KRT16: variants seen among roughly 807,000 people sequenced by gnomAD.
The protein encoded by KRT16 is keratin, type I cytoskeletal 16.
Under a neutral mutation model 44.8 loss-of-function variants are expected in KRT16, and 42 were observed. That is an observed-to-expected ratio of 0.94 (90% CI 0.73 to 1.21). The LOEUF (loss-of-function observed/expected upper bound fraction) is 1.21. KRT16 is among the 50% of genes most tolerant of loss of function. The probability of loss-of-function intolerance (pLI) is 0.00; values close to 1 mark genes in which losing one functional copy is unlikely to be tolerated. For missense variants in KRT16, 561 were observed against 626.9 expected (o/e 0.89, Z 1.12); for synonymous variants, 226 against 260.4 (o/e 0.87, Z 1.27).
chr17:41,611,797 C>A, intron 1 of KRT16, 76 bp from the exon 2 acceptor site: 2 of 1,348,984 alleles, frequency 1.5e-6, no homozygotes, highest in Admixed American at 1.9e-5. Context: ...CAGAAAGGGG[C>A]AAAAGGAACC....
In KRT16 at chr17:41,611,688, T is replaced by C. The variant is rs1269559884; in HGVS notation, c.565A>G (p.Ile189Val). Residue 189 changes from isoleucine (I) to valine (V), a missense_variant, in exon 2 of 8, where the codon ATT (isoleucine) becomes GTT (valine). By Grantham distance (29) the Ile-to-Val change is conservative (BLOSUM62 3). Transcript: ENST00000301653. ...AGCCTGGCATTGTCAATCTGCAAAA[T>C]GGGCTGCGCATTCTCAATGGTGGCC... ...IAATIENAQP[I>V]LQIDNARLAA... The C allele has an allele frequency of 6.2e-7, 1 of 1,611,308 alleles. No individual in the cohort carries two copies. Among genetic ancestry groups the C allele is most frequent in the Non-Finnish European group, 8.5e-7 (1 of 1,179,662 alleles).
In KRT16 at chr17:41,610,930, C is replaced by T; in HGVS notation, c.983G>A (p.Ser328Asn). 3 of 1,614,194 alleles carry T rather than the reference C, an allele frequency of 1.9e-6. No homozygotes were observed. Among genetic ancestry groups the T allele is most frequent in the Non-Finnish European group, 8.5e-7 (1 of 1,180,036 alleles). Residue 328 changes from serine (S) to asparagine (N), a missense_variant, in exon 5 of 8, where the codon AGC becomes AAC. Ser to Asn is a conservative substitution (Grantham distance 46, BLOSUM62 1). Transcript: ENST00000301653. ...GAGCTCCGTCACCTCACTGCGGCTG[C>T]TCTGTACCAGTTCGCTGTTGGAGGC... ...EVASNSELVQSSRSEVTELRR... is the reference protein window; with the variant it reads ...EVASNSELVQNSRSEVTELRR...
In KRT16 at chr17:41,610,532, C is replaced by T; in HGVS notation, c.1079G>A (p.Ser360Asn). 1 of 1,612,054 alleles carries T rather than the reference C, an allele frequency of 6.2e-7. No homozygotes were observed. Among genetic ancestry groups the T allele is most frequent in the Non-Finnish European group, 8.5e-7 (1 of 1,179,862 alleles). ...QLSMKASLEN[S>N]LEETKGRYCM... ...GTAGCGGCCTTTGGTCTCCTCCAGG[C>T]TGTTCTCCAGGGATGCTTTCTGCAA... The change falls in exon 6 of 8, where the codon AGC becomes AAC. Residue 360 changes from serine (S) to asparagine (N), a missense_variant. By Grantham distance (46) the Ser-to-Asn change is conservative. Coordinates refer to ENST00000301653, the MANE Select transcript of KRT16 (RefSeq NM_005557.4).
In KRT16 at chr17:41,611,327, A is replaced by C; in HGVS notation, c.771+18T>G. On this transcript the variant is annotated intron_variant, in intron 3 of 7. Coordinates refer to ENST00000301653, the MANE Select transcript of KRT16 (RefSeq NM_005557.4). ...CACCAAACCAGCCTCCCACCCCGGA[A>C]GCCAGCAGCGACCGTACCTCCTCGT... The C allele has an allele frequency of 6.2e-7, 1 of 1,614,044 alleles. No homozygotes were observed. The highest frequency in any genetic ancestry group is 8.5e-7 in the Non-Finnish European group (1 of 1,179,922).
chr17:41,612,579 C>A lies in KRT16; in HGVS notation c.110G>T (p.Gly37Val), dbSNP rs762970825. 1 of 1,594,714 alleles carries A rather than the reference C, an allele frequency of 6.3e-7. No individual in the cohort carries two copies. Among genetic ancestry groups the A allele is most frequent in the Non-Finnish European group, 8.5e-7 (1 of 1,171,150 alleles). Reference sequence around the variant, plus strand: ...GGTGCTGGGGGCACGGCAGGACCCTCCGGCCAGGACGGAGGAGATGCGGCT... The same window carrying A: ...GGTGCTGGGGGCACGGCAGGACCCTACGGCCAGGACGGAGGAGATGCGGCT... Reference protein sequence around the residue: ...GSSRISSVLAGGSCRAPSTYG... With the variant: ...GSSRISSVLAVGSCRAPSTYG... Residue 37 changes from glycine to valine, a missense_variant, in exon 1 of 8, where the codon GGA becomes GTA. Transcript: ENST00000301653.
chr17:41,611,502 C>T lies in KRT16; in HGVS notation c.615-1G>A. 6.2e-7 allele frequency: 1 copy of T among 1,613,636 alleles called. No homozygotes were observed. The highest frequency in any genetic ancestry group is 2.2e-5 in the East Asian group (1 of 44,866). ...CCGCAGGGCCAGTTCATGCTCATAC[C>T]TGGCAGGACAGAGGTCAGGTCCTCA... On this transcript the variant is annotated splice_acceptor_variant, in intron 2 of 7. Transcript: ENST00000301653. LOFTEE classifies it high-confidence loss of function.
At chr17:41,611,844 G>T in intron 1 of KRT16, 123 bp from the exon 2 acceptor site, 2 of 964,848 alleles carry the variant, frequency 2.1e-6, no homozygotes, top group Non-Finnish European at 3.3e-6. Context: ...GGCAGGGCTG[G>T]CATGCCTTCT....
intron 5 of KRT16, 117 bp downstream of exon 5, chr17:41,610,737 A>T (rs1908161400): frequency 6.5e-7 from 1 of 1,544,242 alleles, no homozygotes; most frequent in East Asian, 2.2e-5. Context: ...TAACGGTCCC[A>T]TGAGTCCCCT....
At chr17:41,611,291 T>G (rs2144603314) in intron 3 of KRT16, 54 bp downstream of exon 3, 1 of 1,613,852 alleles carries the variant, frequency 6.2e-7, no homozygotes, top group East Asian at 2.2e-5. Flanking sequence ...CCTGGGTGCA[T>G]CTGGCAACCC....
Position 41,610,968 on chromosome 17 carries a change from C to G in KRT16, c.945G>C (p.Leu315=), listed in dbSNP as rs1379894225. The G allele has an allele frequency of 6.2e-7, 1 of 1,614,052 alleles. No individual in the cohort carries two copies. The highest frequency in any genetic ancestry group is 1.3e-5 in the African/African-American group (1 of 74,924). Residue 315 remains leucine (L), a synonymous_variant, in exon 5 of 8, where the codon CTG becomes CTC. Coordinates refer to ENST00000301653, the MANE Select transcript of KRT16 (RefSeq NM_005557.4). Reference sequence around the variant, plus strand: ...CGCTGTTGGAGGCCACTTCTTTGTTCAGCTCCTCGGTCTGAGGCAGGAAAG... The same window carrying G: ...CGCTGTTGGAGGCCACTTCTTTGTTGAGCTCCTCGGTCTGAGGCAGGAAAG... ...ETWFLSKTEE[L]NKEVASNSEL...
rs1175528301 is a variant in KRT16, at chr17:41,611,388, C to G, written c.728G>C (p.Gly243Ala). Reference sequence around the variant, plus strand: ...CAGGTAGGCCAGCTCCTCCTTCAGGCCTTCGATCTGCATCTCCAGGTCAGT... The same window carrying G: ...CAGGTAGGCCAGCTCCTCCTTCAGGGCTTCGATCTGCATCTCCAGGTCAGT... ...ARTDLEMQIE[G>A]LKEELAYLRK... The change falls in exon 3 of 8, where the codon GGC (glycine) becomes GCC (alanine). Residue 243 changes from glycine to alanine, a missense_variant. Transcript: ENST00000301653. The G allele has an allele frequency of 1.9e-6, 3 of 1,614,252 alleles. No homozygotes were observed. The highest frequency in any genetic ancestry group is 1.7e-4 in the Middle Eastern group (1 of 6,056).
chr17:41,611,949 A>G, intron 1 of KRT16: 1 of 803,012 alleles, frequency 1.2e-6, no homozygotes, highest in Non-Finnish European at 2.1e-6. Context: ...GAACCCTTGA[A>G]GGAAATAAGA....
At position 41,611,062 on chromosome 17, in the gene KRT16, G is replaced by GC; in HGVS notation, c.933+6dup. On this transcript the variant is annotated splice_region_variant and intron_variant, in intron 4 of 7. Transcript: ENST00000301653. Reference sequence around the variant, plus strand: ...TGCTGCAGGCTCACTGCGGGCCCGAGCCCCACCTTGCTCAGGAACCAGGTC... The same window carrying GC: ...TGCTGCAGGCTCACTGCGGGCCCGAGCCCCCACCTTGCTCAGGAACCAGGTC... 1 of 1,614,000 alleles carries GC rather than the reference G, an allele frequency of 6.2e-7. No individual in the cohort carries two copies. The highest frequency in any genetic ancestry group is 1.1e-5 in the South Asian group (1 of 91,076).
In KRT16 at chr17:41,610,911, C is replaced by T. The variant is rs566540770; in HGVS notation, c.1002G>A (p.Thr334=). ...GGCCCTGGAGCACCCTCCGGAGCTC[C>T]GTCACCTCACTGCGGCTGCTCTGTA... is the stretch of plus-strand genomic sequence containing the variant. ...ELVQSSRSEV[T]ELRRVLQGLE... Residue 334 remains threonine, a synonymous_variant, in exon 5 of 8, where the codon ACG becomes ACA. Transcript: ENST00000301653. 3.1e-5 allele frequency: 50 copies of T among 1,614,172 alleles called. 1 individual carries two copies. The South Asian group carries it at 3.8e-4, about 12-fold the overall frequency.
At chr17:41,610,168 C>T (rs758322165) in intron 7 of KRT16, 22 bp downstream of exon 7, 17 of 1,613,570 alleles carry the variant, frequency 1.1e-5, no homozygotes, top group Non-Finnish European at 1.3e-5. Flanking sequence ...GCTGCAGTGC[C>T]GGGGAGCCTC....
At position 41,610,396 on chromosome 17, in the gene KRT16, A is replaced by T; in HGVS notation, c.1215T>A (p.Asp405Glu). 6.2e-7 allele frequency: 1 copy of T among 1,612,334 alleles called. No individual in the cohort carries two copies. Among genetic ancestry groups the T allele is most frequent in the Non-Finnish European group, 8.5e-7 (1 of 1,179,846 alleles). The part of the protein sequence containing the change: ...QQSQEYQILL[D>E]VKTRLEQEIA... ...TCTCCTGCTCCAGCCGCGTCTTCAC[A>T]TCCAGCAAGATCTGGTACTCCTGGC... The change falls in exon 6 of 8, where the codon GAT becomes GAA. Residue 405 changes from aspartate (D) to glutamate (E), a missense_variant. Physicochemically the swap from Asp to Glu is conservative, Grantham distance 45. Coordinates refer to ENST00000301653, the MANE Select transcript of KRT16 (RefSeq NM_005557.4).
At position 41,611,656 on chromosome 17, in the gene KRT16, G is replaced by A. The variant is rs531336431; in HGVS notation, c.597C>T (p.Ala199=). Reference sequence around the variant, plus strand: ...CTGCTCACTTGGTCCTGAAGTCATCGGCTGCCAGCCTGGCATTGTCAATCT... The same window carrying A: ...CTGCTCACTTGGTCCTGAAGTCATCAGCTGCCAGCCTGGCATTGTCAATCT... The part of the protein sequence containing the change: ...ILQIDNARLA[A]DDFRTKYEHE... Residue 199 remains alanine, a synonymous_variant, in exon 2 of 8, where the codon GCC becomes GCT. Transcript: ENST00000301653. The A allele has an allele frequency of 1.4e-5, 22 of 1,611,382 alleles. No homozygotes were observed. The highest frequency in any genetic ancestry group is 1.3e-4 in the East Asian group (6 of 44,868).
intron 5 of KRT16, 128 bp downstream of exon 5, chr17:41,610,726 A>ATAACG: frequency 2.0e-6 from 3 of 1,517,170 alleles, no homozygotes. Context: ...CTCTATCTAT[A>ATAACG]TAACGGTCCC....
chr17:41,611,345 C>T lies in KRT16; in HGVS notation c.771G>A (p.Glu257=), dbSNP rs1597685417. ...ELAYLRKNHE[E]EMLALRGQTG... The stretch of plus-strand genomic sequence containing the variant: ...CCCCGGAAGCCAGCAGCGACCGTAC[C>T]TCCTCGTGGTTCTTCCTCAGGTAGG... The change falls in exon 3 of 8, where the codon GAG becomes GAA. Residue 257 remains glutamate (E), a splice_region_variant and synonymous_variant. Coordinates refer to ENST00000301653, the MANE Select transcript of KRT16 (RefSeq NM_005557.4). 3 of 1,614,160 alleles carry T rather than the reference C, an allele frequency of 1.9e-6. No homozygotes were observed. The East Asian group carries it at 6.7e-5, about 36-fold the overall frequency.
Sources: gnomAD v4.1 joint callset for allele counts on GRCh38, gnomAD v4.1.1 for gene constraint, MANE v1.5 for transcripts, NCBI Gene and HGNC (gene_info 2026-07-23, HGNC 2026-07-21) for gene names.